EYA1: variants seen among roughly 807,000 people sequenced by gnomAD.
EYA1 encodes EYA transcriptional coactivator and phosphatase 1.
Under a neutral mutation model 82.0 loss-of-function variants are expected in EYA1, and 16 were observed. The observed-to-expected ratio is 0.20, with a 90% CI of 0.13 to 0.30. The LOEUF is 0.30. EYA1 is among the 10% of genes least tolerant of loss of function. EYA1 has a pLI of 1.00. For synonymous variants in EYA1, 261 were observed against 264.4 expected (o/e 0.99, Z 0.12); for missense variants, 633 against 730.7 (o/e 0.87, Z 1.54).
chr8:71,485,342 T>C (rs1344083464), intron 2 of EYA1, among the ~76,000 whole-genome samples: 1 of 152,174 alleles, frequency 6.6e-6, no homozygotes, highest in African/African-American at 2.4e-5. Context: ...CATATGTCTT[T>C]TCACTGAAAA....
intron 12 of EYA1, among the ~76,000 whole-genome samples, chr8:71,225,954 C>G (rs1257809213): frequency 6.6e-6 from 1 of 152,154 alleles, no homozygotes; most frequent in Admixed American, 6.5e-5. Flanking sequence ...ATTTGAATTA[C>G]AGAAGTTTCA....
intron 9 of EYA1, among the ~76,000 whole-genome samples, chr8:71,282,626 C>T (rs1209603918): frequency 6.6e-6 from 1 of 152,154 alleles, no homozygotes; most frequent in South Asian, 2.1e-4. Context: ...CTCCTGACTC[C>T]CTGGGTGCTC....
At chr8:71,239,888 G>A (rs372715826) in intron 12 of EYA1, among the ~76,000 whole-genome samples, 14 of 152,074 alleles carry the variant, frequency 9.2e-5, no homozygotes, top group African/African-American at 3.1e-4. Context: ...CTTCTGAATC[G>A]GATTAAATAT....
chr8:71,391,231 C>A (rs1563563079), intron 2 of EYA1, among the ~76,000 whole-genome samples: 2 of 152,280 alleles, frequency 1.3e-5, no homozygotes, highest in African/African-American at 2.4e-5. Context: ...GATCTGCCCA[C>A]CTCAGCCTCC....
chr8:71,244,823 C>A, intron 11 of EYA1, 131 bp from the exon 12 acceptor site: 1 of 636,498 alleles, frequency 1.6e-6, no homozygotes, highest in Admixed American at 2.7e-5. Context: ...TGGGCAACAG[C>A]TGCTTATTTT....
intron 2 of EYA1, among the ~76,000 whole-genome samples, chr8:71,369,237 T>C (rs1401031624): frequency 6.6e-6 from 1 of 151,448 alleles, no homozygotes; most frequent in Non-Finnish European, 1.5e-5. Flanking sequence ...CTTAAAGCAG[T>C]ATATGGCAAC....
At chr8:71,397,039 A>G (rs13255081) in intron 2 of EYA1, among the ~76,000 whole-genome samples, 110,388 of 152,140 alleles carry the variant, frequency 0.73, 40,970 homozygotes, top group African/African-American at 0.84. Flanking sequence ...TTACCATTAA[A>G]CAATGGCCTT....
chr8:71,250,292 G>A (rs528590263), intron 11 of EYA1, among the ~76,000 whole-genome samples: 1 of 152,158 alleles, frequency 6.6e-6, no homozygotes, highest in Non-Finnish European at 1.5e-5. Context: ...ACTAGGCAGA[G>A]GCCTAAACTG....
intron 2 of EYA1, chr8:71,535,734 G>A (rs1282681822): frequency 8.6e-6 from 13 of 1,516,502 alleles, no homozygotes; most frequent in African/African-American, 1.4e-5. Flanking sequence ...CTGACATTCT[G>A]TTTACTTACA....
chr8:71,457,636 T>C (rs1017750148), intron 2 of EYA1, among the ~76,000 whole-genome samples: 4 of 152,240 alleles, frequency 2.6e-5, no homozygotes, highest in Non-Finnish European at 5.9e-5. Flanking sequence ...CTGGAAACCA[T>C]CATTCTTAGC....
intron 2 of EYA1, among the ~76,000 whole-genome samples, chr8:71,406,727 C>T (rs1179306927): frequency 2.0e-5 from 3 of 151,838 alleles, no homozygotes; most frequent in Non-Finnish European, 4.4e-5. Context: ...GGTCCTACGC[C>T]CACGGAATCT....
chr8:71,428,864 G>A (rs984163177), intron 2 of EYA1, among the ~76,000 whole-genome samples: 1 of 150,470 alleles, frequency 6.6e-6, no homozygotes, highest in African/African-American at 2.5e-5. Context: ...AAATCTCTAA[G>A]TTTAATAACA....
In EYA1 at chr8:71,317,702, G is replaced by C; in HGVS notation, c.419-13C>G. On this transcript the variant is annotated splice_polypyrimidine_tract_variant and intron_variant, in intron 6 of 17. Coordinates refer to ENST00000340726, the MANE Select transcript of EYA1 (RefSeq NM_000503.6). ...GCCCACAATGCACCTAAATCAGTTA[G>C]TGATAGCTTATCTATCTGTCCATTT... 2 of 1,613,698 alleles carry C rather than the reference G, an allele frequency of 1.2e-6. No individual in the cohort carries two copies. Among genetic ancestry groups the C allele is most frequent in the South Asian group, 2.2e-5 (2 of 91,080 alleles).
chr8:71,382,839 A>G (rs1472134784), intron 2 of EYA1, among the ~76,000 whole-genome samples: 1 of 152,094 alleles, frequency 6.6e-6, no homozygotes, highest in Non-Finnish European at 1.5e-5. Flanking sequence ...CTAGGTCTCA[A>G]GAAGATTCTA....
chr8:71,544,131 C>T (rs937612809), intron 1 of EYA1, among the ~76,000 whole-genome samples: 5 of 152,172 alleles, frequency 3.3e-5, no homozygotes, highest in African/African-American at 1.2e-4. Flanking sequence ...CTTTGACTTT[C>T]ACTCTTTCCT....
intron 2 of EYA1, among the ~76,000 whole-genome samples, chr8:71,468,282 C>T (rs1359713117): frequency 6.6e-6 from 1 of 152,076 alleles, no homozygotes; most frequent in Non-Finnish European, 1.5e-5. Context: ...TCTGGTCTTC[C>T]CACTCACTAC....
At chr8:71,475,691 T>C (rs1809607097) in intron 2 of EYA1, among the ~76,000 whole-genome samples, 2 of 152,182 alleles carry the variant, frequency 1.3e-5, no homozygotes, top group Non-Finnish European at 2.9e-5. Context: ...TCATGGCCAT[T>C]AGATTCCTCT....
chr8:71,333,968 T>C, intron 4 of EYA1, 129 bp downstream of exon 4: 1 of 703,080 alleles, frequency 1.4e-6, no homozygotes, highest in East Asian at 2.7e-5. Flanking sequence ...TATGTATATA[T>C]ACATAAGTAC....
chr8:71,221,750 C>A (rs868206768), intron 12 of EYA1, among the ~76,000 whole-genome samples: 2 of 152,158 alleles, frequency 1.3e-5, no homozygotes, highest in Non-Finnish European at 2.9e-5. Flanking sequence ...ATGGTCCACA[C>A]CTGTTGCACT....
Sources: gnomAD v4.1 joint callset for allele counts (sites outside exome capture counted in the v4.1 genomes callset) on GRCh38, gnomAD v4.1.1 for gene constraint, MANE v1.5 for transcripts, NCBI Gene and HGNC (gene_info 2026-07-23, HGNC 2026-07-21) for gene names.